Variants in DLGAP2 observed in about 807,000 individuals in gnomAD.
The protein encoded by DLGAP2 is DLG associated protein 2.
DLGAP2 carries 26 observed loss-of-function variants against 100.3 expected under a neutral mutation model. The observed-to-expected ratio is 0.26, with a 90% CI of 0.19 to 0.36. DLGAP2 has a LOEUF of 0.36. DLGAP2 is among the 10% of genes least tolerant of loss of function. The pLI, the probability that DLGAP2 is intolerant of heterozygous loss-of-function variation, is 1.00. For synonymous variants in DLGAP2, 886 were observed against 630.1 expected (o/e 1.41, Z -6.08); for missense variants, 1,858 against 1,453.2 (o/e 1.28, Z -4.53).
chr8:1,652,337 A>G (rs1798186422), intron 8 of DLGAP2, among the ~76,000 whole-genome samples: 1 of 152,346 alleles, frequency 6.6e-6, no homozygotes, highest in Non-Finnish European at 1.5e-5. Context: ...TGGCTAGAAT[A>G]TAAGTTCCAC....
At chr8:1,038,013 G>T (rs925227857) in intron 2 of DLGAP2, among the ~76,000 whole-genome samples, 1 of 152,238 alleles carries the variant, frequency 6.6e-6, no homozygotes, top group South Asian at 2.1e-4. Flanking sequence ...GTAACTAGAG[G>T]CTGGGAGAGC....
intron 1 of DLGAP2, among the ~76,000 whole-genome samples, chr8:897,935 C>T (rs1350765798): frequency 2.0e-5 from 3 of 152,148 alleles, no homozygotes; most frequent in African/African-American, 7.2e-5. Context: ...TGTGTTCCCT[C>T]CGTTGCTGTC....
intron 2 of DLGAP2, among the ~76,000 whole-genome samples, chr8:998,763 G>C (rs969704123): frequency 6.6e-6 from 1 of 152,130 alleles, no homozygotes; most frequent in Non-Finnish European, 1.5e-5. Context: ...TAAATGTTTG[G>C]CTCATACCCT....
chr8:908,074 G>C lies in DLGAP2; in HGVS notation c.73+108G>C, dbSNP rs563920050. 18 of 395,060 alleles carry C rather than the reference G, an allele frequency of 4.6e-5. No homozygotes were observed. The South Asian group carries it at 1.8e-3, about 39-fold the overall frequency. 24.5% of individuals were successfully genotyped at this position (395,060 alleles called of 1,614,324 possible). ...ATATTTTGTGCATTTTTATTTTGTG[G>C]GTTGTTTTTAGTGCAAGATTGCGTA... is the stretch of plus-strand genomic sequence containing the variant. On this transcript the variant is annotated intron_variant, in intron 2 of 14. Coordinates refer to ENST00000637795, the MANE Select transcript of DLGAP2 (RefSeq NM_001346810.2).
chr8:1,352,650 G>A (rs1274282674), intron 3 of DLGAP2, among the ~76,000 whole-genome samples: 1 of 152,124 alleles, frequency 6.6e-6, no homozygotes, highest in East Asian at 1.9e-4. Context: ...GTAAAGACTC[G>A]AACCCTGACT....
chr8:994,094 T>C (rs946911019), intron 2 of DLGAP2, among the ~76,000 whole-genome samples: 1 of 152,186 alleles, frequency 6.6e-6, no homozygotes, highest in African/African-American at 2.4e-5. Context: ...ACTGGTGTTT[T>C]CGTATTAGAA....
chr8:1,091,151 G>A (rs940996785), intron 2 of DLGAP2, among the ~76,000 whole-genome samples: 1 of 152,114 alleles, frequency 6.6e-6, no homozygotes, highest in East Asian at 1.9e-4. Flanking sequence ...AGCCCACCCC[G>A]GTTCTCTCTG....
chr8:972,884 C>T (rs1393961252), intron 2 of DLGAP2, among the ~76,000 whole-genome samples: 3 of 152,150 alleles, frequency 2.0e-5, no homozygotes, highest in Non-Finnish European at 4.4e-5. Flanking sequence ...GCCCTTAATC[C>T]ATTTAACCCT....
Position 1,642,783 on chromosome 8 carries a change from A to G in DLGAP2, c.1810+9737A>G, listed in dbSNP as rs113055681. Among the ~76,000 whole-genome samples, 3 of 13,742 alleles carry G rather than the reference A, an allele frequency of 2.2e-4. 1 individual carries two copies. Among genetic ancestry groups the G allele is most frequent in the East Asian group, 1.9e-3 (1 of 538 alleles). 9.0% of individuals were successfully genotyped at this position (13,742 alleles called of 152,430 possible). A position where few individuals can be genotyped will look rare whatever the true frequency, so the allele number is the denominator to read the frequency against. ...ACCTGTGTCACCCCTCGAACCCGCC[A>G]GCCCTCACCTGTGTCACCCTCGACC... is the stretch of plus-strand genomic sequence containing the variant. On this transcript the variant is annotated intron_variant, in intron 8 of 14. Transcript: ENST00000637795.
At chr8:1,250,865 G>A (rs920149269) in intron 2 of DLGAP2, among the ~76,000 whole-genome samples, 3 of 152,210 alleles carry the variant, frequency 2.0e-5, no homozygotes, top group African/African-American at 7.2e-5. Context: ...AGGTAACGAC[G>A]GGGTGACGCT....
intron 2 of DLGAP2, among the ~76,000 whole-genome samples, chr8:1,008,165 G>T (rs1801175495): frequency 1.3e-5 from 2 of 152,190 alleles, no homozygotes; most frequent in South Asian, 4.1e-4. Context: ...TTGAAATCAG[G>T]AACTAGTTGA....
At chr8:1,622,354 G>C (rs1797366580) in intron 6 of DLGAP2, 1 of 152,192 alleles carries the variant, frequency 6.6e-6, no homozygotes, top group South Asian at 2.1e-4. Flanking sequence ...AATCCTTACT[G>C]CTTTCCAAGG....
At chr8:1,092,388 G>A (rs1298354439) in intron 2 of DLGAP2, among the ~76,000 whole-genome samples, 1 of 152,230 alleles carries the variant, frequency 6.6e-6, no homozygotes, top group Non-Finnish European at 1.5e-5. Flanking sequence ...GCCTCTTATA[G>A]CCTTTGCCGT....
At chr8:1,555,886 C>G (rs3793416) in intron 5 of DLGAP2, among the ~76,000 whole-genome samples, 51,590 of 152,238 alleles carry the variant, frequency 0.34, 9,970 homozygotes, top group East Asian at 0.5. Flanking sequence ...ATCTTTCTGC[C>G]TCTTCAATCC....
At chr8:1,110,653 A>T (rs924856711) in intron 2 of DLGAP2, among the ~76,000 whole-genome samples, 7 of 151,908 alleles carry the variant, frequency 4.6e-5, no homozygotes, top group Non-Finnish European at 8.8e-5. Flanking sequence ...TTAGGGGAAA[A>T]CAATGAGAAA....
At chr8:1,601,344 A>G (rs1796617237) in intron 6 of DLGAP2, among the ~76,000 whole-genome samples, 2 of 152,208 alleles carry the variant, frequency 1.3e-5, no homozygotes, top group African/African-American at 4.8e-5. Context: ...TCAGGAGACA[A>G]GAGGGTCAGG....
At chr8:796,862 T>G (rs1170849836) in intron 1 of DLGAP2, among the ~76,000 whole-genome samples, 1 of 152,096 alleles carries the variant, frequency 6.6e-6, no homozygotes, top group Non-Finnish European at 1.5e-5. Flanking sequence ...TTCCTTTCCC[T>G]TAGTGCAGCC....
intron 1 of DLGAP2, among the ~76,000 whole-genome samples, chr8:858,685 G>C (rs892466067): frequency 6.7e-6 from 1 of 149,938 alleles, no homozygotes; most frequent in African/African-American, 2.5e-5. Flanking sequence ...GTGGGGACAT[G>C]TGTGATGCTG....
chr8:1,620,775 G>A (rs1442000826), intron 6 of DLGAP2, among the ~76,000 whole-genome samples: 1 of 152,018 alleles, frequency 6.6e-6, no homozygotes, highest in Non-Finnish European at 1.5e-5. Flanking sequence ...CGTCCTCCAG[G>A]CCCCACGCAC....
Sources: allele counts gnomAD v4.1 joint callset (sites outside exome capture counted in the v4.1 genomes callset), GRCh38; gene constraint gnomAD v4.1.1; transcripts MANE v1.5; gene names NCBI Gene and HGNC (gene_info 2026-07-23, HGNC 2026-07-21).